The following MYOF variants were observed in gnomAD, a reference collection of about 807,000 sequenced individuals.
MYOF encodes the protein fer-1-like 3, myoferlin.
Under a neutral mutation model 284.2 loss-of-function variants are expected in MYOF, and 244 were observed. The ratio of observed to expected loss-of-function variants is 0.86; its 90% CI spans 0.77 to 0.95. MYOF has a LOEUF of 0.95. MYOF is among the 40% of genes least tolerant of loss of function. The pLI, the probability that MYOF is intolerant of heterozygous loss-of-function variation, is 0.00. For synonymous variants in MYOF, 904 were observed against 919.7 expected, an observed-to-expected ratio of 0.98 and a Z score of 0.31; for missense variants, 2,496 against 2,560.6, an observed-to-expected ratio of 0.97 and a Z score of 0.54.
chr10:93,377,284 CTGGA>C, intron 22 of MYOF, 35 bp downstream of exon 22: 3 of 1,404,298 alleles, frequency 2.1e-6, no homozygotes, highest in Non-Finnish European at 3.0e-6. Flanking sequence ...GGAGGAGCGC[CTGGA>C]TGAAAATTCT....
At chr10:93,456,620 G>A (rs1564733833) in intron 2 of MYOF, among the ~76,000 whole-genome samples, 2 of 152,282 alleles carry the variant, frequency 1.3e-5, no homozygotes, top group African/African-American at 4.8e-5. Flanking sequence ...CAGCAAGCTC[G>A]TGGCGGTGCC....
At chr10:93,366,255 A>G (rs947009860) in intron 26 of MYOF, 137 bp downstream of exon 26, 9 of 933,164 alleles carry the variant, frequency 9.6e-6, no homozygotes, top group African/African-American at 3.3e-5. Context: ...ACTTTCTACA[A>G]ATTTCAATGG....
chr10:93,461,220 C>A (rs572261963), intron 1 of MYOF, among the ~76,000 whole-genome samples: 1 of 152,196 alleles, frequency 6.6e-6, no homozygotes, highest in Non-Finnish European at 1.5e-5. Flanking sequence ...TCAGCTCAGG[C>A]CAAGAGACCT....
At chr10:93,382,923 T>TCTCGCTCTG (rs1187779067) in intron 19 of MYOF, among the ~76,000 whole-genome samples, 1 of 152,206 alleles carries the variant, frequency 6.6e-6, no homozygotes, top group Non-Finnish European at 1.5e-5. Context: ...TTAGACTGTG[T>TCTCGCTCTG]CTCGCTCTGT....
At chr10:93,447,368 C>T (rs60597070) in intron 3 of MYOF, among the ~76,000 whole-genome samples, 2 of 152,010 alleles carry the variant, frequency 1.3e-5, no homozygotes, top group East Asian at 1.9e-4. Context: ...ATGCACTTAC[C>T]GATAAGACAT....
intron 1 of MYOF, among the ~76,000 whole-genome samples, chr10:93,471,916 TG>T (rs2057155942): frequency 6.7e-6 from 1 of 148,648 alleles, no homozygotes; most frequent in Admixed American, 6.7e-5. Flanking sequence ...CTCGGCACGG[TG>T]GCCAACTGGA....
At chr10:93,320,389 A>G (rs1430797234) in intron 48 of MYOF, among the ~76,000 whole-genome samples, 1 of 152,232 alleles carries the variant, frequency 6.6e-6, no homozygotes, top group Non-Finnish European at 1.5e-5. Context: ...AGCACTGCTG[A>G]TAGGTTAAAT....
chr10:93,306,817 C>T lies in MYOF; in HGVS notation c.*146G>A, dbSNP rs1199969751. The T allele has an allele frequency of 7.4e-6, 6 of 808,680 alleles. No homozygotes were observed. Among genetic ancestry groups the T allele is most frequent in the African/African-American group, 1.8e-5 (1 of 56,702 alleles). 50.1% of individuals were successfully genotyped at this position (808,680 alleles called of 1,614,324 possible). ...TTGGCCTGACTTTCCAGGACTAAGA[C>T]CCTCTGGGAATCAATGGGGCTCGGT... On this transcript the variant is annotated 3_prime_UTR_variant, in exon 54 of 54. Transcript: ENST00000359263.
chr10:93,400,603 T>C (rs1847238665), intron 12 of MYOF, among the ~76,000 whole-genome samples: 1 of 151,050 alleles, frequency 6.6e-6, no homozygotes, highest in African/African-American at 2.5e-5. Context: ...GCCTGTATAG[T>C]GAGTGCAGCC....
intron 19 of MYOF, among the ~76,000 whole-genome samples, chr10:93,382,495 G>C (rs779905366): frequency 1.3e-4 from 20 of 152,182 alleles, no homozygotes; most frequent in Non-Finnish European, 2.6e-4. Context: ...AAATTGAAAT[G>C]GGAAATTAAA....
chr10:93,474,799 T>C (rs1007672766), intron 1 of MYOF, among the ~76,000 whole-genome samples: 12 of 149,758 alleles, frequency 8.0e-5, no homozygotes, highest in East Asian at 5.9e-4. Flanking sequence ...CAGGCTGGAG[T>C]GTAATGGCGC....
At chr10:93,392,867 T>C (rs788084) in intron 17 of MYOF, 50 bp downstream of exon 17, 686,080 of 1,505,286 alleles carry the variant, frequency 0.46, 162,070 homozygotes, top group Middle Eastern at 0.59. Context: ...CTTAATAAGA[T>C]AATATTAGCT....
At chr10:93,339,403 G>A (rs1004959972) in intron 39 of MYOF, among the ~76,000 whole-genome samples, 1 of 151,190 alleles carries the variant, frequency 6.6e-6, no homozygotes, top group African/African-American at 2.4e-5. Flanking sequence ...GAATGCGTGT[G>A]TGTTACACAT....
chr10:93,391,017 C>T (rs1292147876), intron 17 of MYOF, among the ~76,000 whole-genome samples: 1 of 152,202 alleles, frequency 6.6e-6, no homozygotes, highest in African/African-American at 2.4e-5. Context: ...CCCTCCACTA[C>T]CCCATCCATT....
At chr10:93,358,501 TA>T (rs1180483261) in intron 29 of MYOF, among the ~76,000 whole-genome samples, 2 of 152,172 alleles carry the variant, frequency 1.3e-5, no homozygotes, top group Non-Finnish European at 2.9e-5. Context: ...CATGCATGCA[TA>T]TTTTCATTGC....
In MYOF at chr10:93,409,654, C is replaced by G; in HGVS notation, c.519G>C (p.Val173=). 1 of 1,614,236 alleles carries G rather than the reference C, an allele frequency of 6.2e-7. No homozygotes were observed. The highest frequency in any genetic ancestry group is 2.2e-5 in the East Asian group (1 of 44,888). ...GPGPKGPVGT[V]SEAQLARRLT... is the part of the protein sequence containing the mutation. ...GCCTCCGAGCAAGCTGAGCTTCCGA[C>G]ACCGTCCCAACTGGCCCCTTGGGCC... is the stretch of plus-strand genomic sequence containing the variant. Residue 173 remains valine (V), a synonymous_variant, in exon 6 of 54, where the codon GTG becomes GTC. Coordinates refer to ENST00000359263, the MANE Select transcript of MYOF (RefSeq NM_013451.4).
At chr10:93,428,890 A>G (rs1055246110) in intron 4 of MYOF, among the ~76,000 whole-genome samples, 2 of 152,192 alleles carry the variant, frequency 1.3e-5, no homozygotes, top group East Asian at 3.9e-4. Flanking sequence ...TGTGGTTTTC[A>G]TGCTGTGTTC....
chr10:93,377,522 A>AT lies in MYOF; in HGVS notation c.2002-94dup, dbSNP rs556602489. 3.0e-4 allele frequency: 272 copies of AT among 901,250 alleles called. No homozygotes were observed. In the African/African-American group the frequency reaches 4.1e-3, roughly 13 times the overall value. The allele number at this position is 901,250 out of a possible 1,614,324, so 55.8% of individuals were successfully genotyped here. A position where few individuals can be genotyped will look rare whatever the true frequency, so the allele number is the denominator to read the frequency against. ...GTTTAACCTGTGAAATCATGTAAAT[A>AT]TTTTTGTATATTCAAAAAACAAATA... On this transcript the variant is annotated intron_variant, in intron 21 of 53. Coordinates refer to ENST00000359263, the MANE Select transcript of MYOF (RefSeq NM_013451.4).
At chr10:93,387,236 G>A (rs924812238) in intron 19 of MYOF, among the ~76,000 whole-genome samples, 2 of 152,200 alleles carry the variant, frequency 1.3e-5, no homozygotes, top group Non-Finnish European at 2.9e-5. Context: ...GGGGGCTGGC[G>A]GTGATTTGCA....
Sources: gnomAD v4.1 joint callset for allele counts (sites outside exome capture counted in the v4.1 genomes callset) on GRCh38, gnomAD v4.1.1 for gene constraint, MANE v1.5 for transcripts, NCBI Gene and HGNC (gene_info 2026-07-23, HGNC 2026-07-21) for gene names.